The following G3BP2 variants were observed in gnomAD, a reference collection of about 807,000 sequenced individuals.
The protein encoded by G3BP2 is G3BP stress granule assembly factor 2.
A neutral mutation model predicts 56.7 loss-of-function variants in G3BP2; 11 were observed. The ratio of observed to expected loss-of-function variants is 0.19; its 90% confidence interval spans 0.12 to 0.32. G3BP2 has a LOEUF of 0.32. Ranked by LOEUF, G3BP2 falls within the 10% of genes least tolerant of loss-of-function variation. The pLI is 1.00. For missense variants in G3BP2, 340 were observed against 610.9 expected, an observed-to-expected ratio of 0.56 and a Z score of 4.67; for synonymous variants, 165 against 191.6, an observed-to-expected ratio of 0.86 and a Z score of 1.15.
rs180893309 is a variant in G3BP2, at chr4:75,670,184, T to C, written c.-25+3024A>G. ...ATCTCCACTATAGGATACTTACCCC[T>C]TTCCCCTCTGGAGTCCCTCACTCAT... On this transcript the variant is annotated intron_variant, in intron 1 of 11. Coordinates refer to ENST00000359707, the MANE Select transcript of G3BP2 (RefSeq NM_203505.3). Among the ~76,000 whole-genome samples, 443 of 152,320 alleles carry C rather than the reference T, an allele frequency of 2.9e-3. 2 individuals are homozygous for C. The highest frequency in any genetic ancestry group is 0.01 in the African/African-American group (427 of 41,572).
intron 3 of G3BP2, among the ~76,000 whole-genome samples, chr4:75,684,829 T>C (rs1718513769): frequency 6.6e-6 from 1 of 152,116 alleles, no homozygotes; most frequent in Non-Finnish European, 1.5e-5. Flanking sequence ...TATTTCATTG[T>C]CTTCTAAAAT....
chr4:75,720,484 A>G (rs1394363370), intron 3 of G3BP2, among the ~76,000 whole-genome samples: 1 of 145,972 alleles, frequency 6.9e-6, no homozygotes, highest in East Asian at 2.1e-4. Flanking sequence ...CCTGGGCAAC[A>G]GAGCGAGACT....
Position 75,644,063 on chromosome 4 carries a change from C to G in G3BP2, c.*1367G>C, listed in dbSNP as rs956114472. On this transcript the variant is annotated 3_prime_UTR_variant, in exon 12 of 12. Transcript: ENST00000359707. ...AAAATGAATGACAGTTCCCTGCCCCCCAAATAGAAAATGCAAACACTTAAA... is the reference window on the plus strand; with the variant it reads ...AAAATGAATGACAGTTCCCTGCCCCGCAAATAGAAAATGCAAACACTTAAA... 1.0e-4 allele frequency: 16 copies of G among 152,570 alleles called. No homozygotes were observed. The highest frequency in any genetic ancestry group is 2.9e-4 in the African/African-American group (12 of 41,448). 9.5% of individuals were successfully genotyped at this position (152,570 alleles called of 1,614,324 possible).
At chr4:75,671,616 T>C (rs1241323656) in intron 1 of G3BP2, among the ~76,000 whole-genome samples, 1 of 152,262 alleles carries the variant, frequency 6.6e-6, no homozygotes, top group Non-Finnish European at 1.5e-5. Flanking sequence ...TGAATATCAA[T>C]CTGAACTATG....
chr4:75,699,078 C>T (rs1313271195), intron 3 of G3BP2, among the ~76,000 whole-genome samples: 2 of 152,146 alleles, frequency 1.3e-5, no homozygotes, highest in African/African-American at 2.4e-5. Context: ...TTTCAATACA[C>T]TGTGCTCCTG....
upstream of G3BP2, among the ~76,000 whole-genome samples, chr4:75,674,718 A>ATATATATATATATATT (rs1241041465): frequency 1.4e-5 from 1 of 71,432 alleles, no homozygotes; most frequent in African/African-American, 5.9e-5. Flanking sequence ...ATATATATAT[A>ATATATATATATATATT]TTTTTTTTTT....
intron 1 of G3BP2, chr4:75,662,493 A>T (rs1398211806): frequency 1.3e-5 from 2 of 153,120 alleles, no homozygotes; most frequent in East Asian, 1.9e-4. Context: ...AAGTGCTGGG[A>T]TTACAGGCGT....
upstream of G3BP2, among the ~76,000 whole-genome samples, chr4:75,674,956 C>T (rs1199372078): frequency 6.6e-6 from 1 of 151,890 alleles, no homozygotes; most frequent in African/African-American, 2.4e-5. Flanking sequence ...CACACCTGAC[C>T]TCGTGATCCG....
At chr4:75,695,077 G>A in intron 3 of G3BP2, 1 of 240,484 alleles carries the variant, frequency 4.2e-6, no homozygotes, top group Non-Finnish European at 6.7e-6. Context: ...TGATGGGCTT[G>A]GGAAAAAACA....
At chr4:75,667,213 CG>C (rs573048249) in intron 1 of G3BP2, among the ~76,000 whole-genome samples, 60 of 150,792 alleles carry the variant, frequency 4.0e-4, no homozygotes, top group Middle Eastern at 3.4e-3. Context: ...TGCCTGAGCC[CG>C]GGAAGTCAAG....
chr4:75,722,710 C>G (rs1456867856), intron 1 of G3BP2, among the ~76,000 whole-genome samples: 2 of 152,146 alleles, frequency 1.3e-5, no homozygotes, highest in Admixed American at 6.5e-5. Flanking sequence ...AGCTTTAAAG[C>G]AGAGGACAAT....
At chr4:75,659,858 T>C (rs1023867300) in intron 2 of G3BP2, among the ~76,000 whole-genome samples, 10 of 152,340 alleles carry the variant, frequency 6.6e-5, no homozygotes, top group African/African-American at 2.4e-4. Context: ...CATTAAACTA[T>C]TTTCTCTCAT....
At chr4:75,707,189 A>C (rs1719581809) in intron 3 of G3BP2, among the ~76,000 whole-genome samples, 2 of 151,850 alleles carry the variant, frequency 1.3e-5, no homozygotes, top group Non-Finnish European at 1.5e-5. Context: ...AAAAAAAAAA[A>C]AAAACAGAAA....
chr4:75,674,716 ATATTTTTTTTTTT>A (rs1247681850), upstream of G3BP2, among the ~76,000 whole-genome samples: 24 of 53,060 alleles, frequency 4.5e-4, 1 homozygote, highest in East Asian at 3.4e-3. Flanking sequence ...ATATATATAT[ATATTTTTTTTTTT>A]TTTTTTTTTT....
intron 1 of G3BP2, chr4:75,670,411 A>G (rs1733393687): frequency 6.6e-6 from 1 of 152,232 alleles, no homozygotes; most frequent in African/African-American, 2.4e-5. Context: ...ATTGAATGAA[A>G]GCTTCACAAA....
At chr4:75,658,452 C>T (rs575331684) in intron 3 of G3BP2, among the ~76,000 whole-genome samples, 5 of 150,982 alleles carry the variant, frequency 3.3e-5, no homozygotes, top group East Asian at 3.9e-4. Context: ...AAAAGCCGGC[C>T]GGGCGCGGTG....
chr4:75,696,981 T>TA (rs2149089424), intron 3 of G3BP2, among the ~76,000 whole-genome samples: 1 of 152,096 alleles, frequency 6.6e-6, no homozygotes, highest in East Asian at 1.9e-4. Context: ...TCATCCCCTT[T>TA]AAAAAGACAA....
At chr4:75,718,992 T>C (rs1720036956) in intron 3 of G3BP2, among the ~76,000 whole-genome samples, 1 of 152,186 alleles carries the variant, frequency 6.6e-6, no homozygotes, top group Non-Finnish European at 1.5e-5. Context: ...AACAGACTTC[T>C]CAGTAACATG....
At chr4:75,673,436 C>G (rs895986968), upstream of G3BP2, 2 of 1,232,138 alleles carry the variant, frequency 1.6e-6, no homozygotes, top group Non-Finnish European at 2.0e-6. Context: ...CCACCGCCCC[C>G]TCTTATTGTT....
Sources: allele counts gnomAD v4.1 joint callset (sites outside exome capture counted in the v4.1 genomes callset), GRCh38; gene constraint gnomAD v4.1.1; transcripts MANE v1.5; gene names NCBI Gene and HGNC (gene_info 2026-07-23, HGNC 2026-07-21).